BIRC6: variants seen among roughly 807,000 people sequenced by gnomAD.
BIRC6 encodes the protein baculoviral IAP repeat containing 6.
Under a neutral mutation model 503.3 loss-of-function variants are expected in BIRC6, and 98 were observed. The ratio of observed to expected loss-of-function variants is 0.19; its 90% CI spans 0.17 to 0.23. BIRC6 has a LOEUF of 0.23. Ranked by LOEUF, BIRC6 falls within the 10% of genes least tolerant of loss-of-function variation. The pLI is 1.00. For missense variants in BIRC6, 5,360 were observed against 5,806.0 expected (o/e 0.92, Z 2.50); for synonymous variants, 2,240 against 2,078.7 (o/e 1.08, Z -2.11).
rs1574056030 is a variant in BIRC6, at chr2:32,416,273, A to G, written c.2872+110A>G. Reference sequence around the variant, plus strand: ...GGTTCAAATAGATGGGGAGGAATTAATTTTTTTGTAATGAAGTGGTAAATC... The same window carrying G: ...GGTTCAAATAGATGGGGAGGAATTAGTTTTTTTGTAATGAAGTGGTAAATC... On this transcript the variant is annotated intron_variant, in intron 10 of 73. Coordinates refer to ENST00000421745, the MANE Select transcript of BIRC6 (RefSeq NM_016252.4). 16 of 1,149,514 alleles carry G rather than the reference A, an allele frequency of 1.4e-5. No individual in the cohort carries two copies. In the East Asian group the frequency reaches 3.9e-4, roughly 28 times the overall value. 71.2% of individuals were successfully genotyped at this position (1,149,514 alleles called of 1,614,324 possible).
At chr2:32,493,710 A>G in intron 45 of BIRC6, 43 bp downstream of exon 45, 1 of 1,439,422 alleles carries the variant, frequency 6.9e-7, no homozygotes, top group Non-Finnish European at 9.5e-7. Context: ...TAGAAGTAAC[A>G]TGTAATTCTC....
At chr2:32,481,852 T>C (rs1434361165) in intron 38 of BIRC6, among the ~76,000 whole-genome samples, 7 of 152,128 alleles carry the variant, frequency 4.6e-5, no homozygotes, top group Admixed American at 1.3e-4. Context: ...GAGGAAAATA[T>C]ACATACATTA....
chr2:32,469,756 A>T, intron 30 of BIRC6, 142 bp downstream of exon 30: 2 of 738,580 alleles, frequency 2.7e-6, no homozygotes, highest in Non-Finnish European at 4.5e-6. Context: ...TGACCAGTGA[A>T]GGGCACCAGC....
At chr2:32,438,683 C>T (rs1370242997) in intron 15 of BIRC6, among the ~76,000 whole-genome samples, 2 of 151,776 alleles carry the variant, frequency 1.3e-5, no homozygotes, top group Non-Finnish European at 2.9e-5. Flanking sequence ...CCTCAGCCTC[C>T]TGAGTAGTTG....
rs6744547 is a variant in BIRC6, at chr2:32,562,649, C to T, written c.13145-12507C>T. ...TAACCACTGTTCTTTGTACTGTCTCCATAGTTGTGCCTTTTTCAGAATGTC... is the reference window on the plus strand; with the variant it reads ...TAACCACTGTTCTTTGTACTGTCTCTATAGTTGTGCCTTTTTCAGAATGTC... On this transcript the variant is annotated intron_variant, in intron 65 of 73. Transcript: ENST00000421745. Among the ~76,000 whole-genome samples the T allele has an allele frequency of 5.7e-3, 864 of 152,246 alleles. 10 individuals carry two copies. The highest frequency in any genetic ancestry group is 0.019 in the African/African-American group (807 of 41,534).
chr2:32,579,477 C>T lies in BIRC6; in HGVS notation c.13355+4111C>T, dbSNP rs576926659. Among the ~76,000 whole-genome samples, 10 of 152,142 alleles carry T rather than the reference C, an allele frequency of 6.6e-5. No individual in the cohort carries two copies. In the South Asian group the frequency reaches 1.9e-3, roughly 28 times the overall value. ...CTTAGGTGGGACGATCACTTGAAGCCGGGAGTTCAAGACCAGCCTTGGCAA... is the reference window on the plus strand; with the variant it reads ...CTTAGGTGGGACGATCACTTGAAGCTGGGAGTTCAAGACCAGCCTTGGCAA... On this transcript the variant is annotated intron_variant, in intron 66 of 73. Coordinates refer to ENST00000421745, the MANE Select transcript of BIRC6 (RefSeq NM_016252.4).
intron 37 of BIRC6, among the ~76,000 whole-genome samples, chr2:32,480,180 G>C (rs1196158481): frequency 6.6e-6 from 1 of 152,094 alleles, no homozygotes. Context: ...TTTATCTGGA[G>C]TAGATTTCCT....
At chr2:32,441,277 G>T in intron 16 of BIRC6, 52 bp from the exon 17 acceptor site, 4 of 1,275,464 alleles carry the variant, frequency 3.1e-6, no homozygotes, top group South Asian at 1.5e-5. Flanking sequence ...AATGGTAAAT[G>T]ATTTTTAGTT....
intron 38 of BIRC6, 130 bp downstream of exon 38, chr2:32,481,583 A>T (rs1320521532): frequency 1.5e-6 from 1 of 666,466 alleles, no homozygotes; most frequent in Non-Finnish European, 2.2e-6. Flanking sequence ...TGGCCAACAT[A>T]GTGAAATCCC....
intron 25 of BIRC6, 101 bp from the exon 26 acceptor site, chr2:32,464,960 ACATT>A: frequency 7.6e-7 from 1 of 1,322,492 alleles, no homozygotes; most frequent in Non-Finnish European, 1.0e-6. Context: ...TACAGTACAT[ACATT>A]AAGAGAAGAA....
chr2:32,408,192 T>A (rs745540289), intron 9 of BIRC6, among the ~76,000 whole-genome samples: 19 of 152,188 alleles, frequency 1.2e-4, no homozygotes, highest in Non-Finnish European at 2.5e-4. Flanking sequence ...CATCTTGAAC[T>A]CCTGACCTCA....
chr2:32,429,007 C>A, intron 10 of BIRC6, 139 bp from the exon 11 acceptor site: 4 of 724,396 alleles, frequency 5.5e-6, no homozygotes, highest in African/African-American at 1.9e-5. Context: ...AATTTCTAAA[C>A]TCTTGGAAAT....
At chr2:32,383,027 C>G (rs1257719847) in intron 3 of BIRC6, among the ~76,000 whole-genome samples, 1 of 150,254 alleles carries the variant, frequency 6.7e-6, no homozygotes, top group East Asian at 2.0e-4. Context: ...TGGCCTGGTC[C>G]TCAGTTTATT....
chr2:32,418,772 A>G (rs1574070782), intron 10 of BIRC6, among the ~76,000 whole-genome samples: 1 of 152,280 alleles, frequency 6.6e-6, no homozygotes, highest in Admixed American at 6.5e-5. Flanking sequence ...TTAAGTTATT[A>G]AGTTTTTTAG....
rs1222380094 is a variant in BIRC6 at position 32,609,255 on chromosome 2, GT to G, written c.14259+1619del. On this transcript the variant is annotated intron_variant, in intron 72 of 73. Coordinates refer to ENST00000421745, the MANE Select transcript of BIRC6 (RefSeq NM_016252.4). The stretch of plus-strand genomic sequence containing the variant: ...AAACCTGTATTAATACACTGAAGTG[GT>G]TTTTTTCACGTCATCCTGAAGTGTG... 2.7e-5 allele frequency among the ~76,000 whole-genome samples: 4 copies of G among 150,418 alleles called. No homozygotes were observed. The Admixed American group carries it at 2.7e-4, about 10-fold the overall frequency.
Position 32,617,982 on chromosome 2 carries a change from CTAAT to C in BIRC6, c.*81_*84del. ...TATGTCAATATTTGTATGTAAGAAACTAATTATGTAATAGGTAATGAAACTGAAA... is the reference window on the plus strand; with the variant it reads ...TATGTCAATATTTGTATGTAAGAAACTATGTAATAGGTAATGAAACTGAAA... On this transcript the variant is annotated 3_prime_UTR_variant, in exon 74 of 74. Transcript: ENST00000421745. The C allele has an allele frequency of 7.3e-7, 1 of 1,365,988 alleles. No homozygotes were observed. Among genetic ancestry groups the C allele is most frequent in the Non-Finnish European group, 1.0e-6 (1 of 1,003,692 alleles). The allele number at this position is 1,365,988 out of a possible 1,614,324, so 84.6% of individuals were successfully genotyped here.
At chr2:32,529,509 A>G (rs1306072038) in intron 59 of BIRC6, 142 bp from the exon 60 acceptor site, 5 of 684,250 alleles carry the variant, frequency 7.3e-6, no homozygotes, top group Admixed American at 3.6e-5. Flanking sequence ...AAACTTTCCA[A>G]TGGCTGTTGA....
chr2:32,430,777 A>G, intron 11 of BIRC6, 88 bp from the exon 12 acceptor site: 1 of 1,017,746 alleles, frequency 9.8e-7, no homozygotes, highest in African/African-American at 1.6e-5. Flanking sequence ...AAACCTACCC[A>G]TGAATTAAAA....
intron 22 of BIRC6, among the ~76,000 whole-genome samples, chr2:32,453,130 C>T (rs1465783988): frequency 6.6e-6 from 1 of 151,468 alleles, no homozygotes; most frequent in Non-Finnish European, 1.5e-5. Context: ...AAGCTGCATA[C>T]GCAGTCCCTG....
Sources: gnomAD v4.1 joint callset for allele counts (sites outside exome capture counted in the v4.1 genomes callset) on GRCh38, gnomAD v4.1.1 for gene constraint, MANE v1.5 for transcripts, NCBI Gene and HGNC (gene_info 2026-07-23, HGNC 2026-07-21) for gene names.